Variants in EML5 observed in about 807,000 individuals in gnomAD.
EML5 encodes the protein EMAP like 5.
EML5 carries 120 observed loss-of-function variants against 250.0 expected under a neutral mutation model. That is an observed-to-expected ratio of 0.48 (90% CI 0.41 to 0.56). The LOEUF (loss-of-function observed/expected upper bound fraction) is 0.56. Ranked by LOEUF, EML5 falls within the 20% of genes least tolerant of loss-of-function variation. The pLI, the probability that EML5 is intolerant of heterozygous loss-of-function variation, is 0.00. For missense variants in EML5, 2,006 were observed against 2,437.6 expected, an observed-to-expected ratio of 0.82 and a Z score of 3.73; for synonymous variants, 771 against 806.5, an observed-to-expected ratio of 0.96 and a Z score of 0.75.
chr14:88,753,126 C>G (rs1302265846), intron 2 of EML5, among the ~76,000 whole-genome samples: 1 of 152,112 alleles, frequency 6.6e-6, no homozygotes, highest in Non-Finnish European at 1.5e-5. Flanking sequence ...TAACACACAC[C>G]CTCTGGGGCT....
rs140868386 is a variant in EML5, at chr14:88,700,848, G to C, written c.2238+1598C>G. ...TTGTGTTAATATATAGGATAACCAG[G>C]TAGTTTTAACCTCTACCTACCCTCC... On this transcript the variant is annotated intron_variant, in intron 14 of 43. Coordinates refer to ENST00000554922, the MANE Select transcript of EML5 (RefSeq NM_183387.3). 7.0e-4 allele frequency among the ~76,000 whole-genome samples: 106 copies of C among 152,262 alleles called. No individual in the cohort carries two copies. The Middle Eastern group carries it at 0.01, about 15-fold the overall frequency.
At position 88,719,881 on chromosome 14, in the gene EML5, A is replaced by G. The variant is rs553512866; in HGVS notation, c.1188-4686T>C. Among the ~76,000 whole-genome samples the G allele has an allele frequency of 6.7e-4, 102 of 152,266 alleles. 2 individuals are homozygous for G. Among genetic ancestry groups the G allele is most frequent in the Admixed American group, 6.7e-3 (102 of 15,282 alleles). ...TTTTGAAAAAATTAATAAAATAAAT[A>G]GACTGCTAGCTAGACTAATGAAGGA... On this transcript the variant is annotated intron_variant, in intron 8 of 43. Coordinates refer to ENST00000554922, the MANE Select transcript of EML5 (RefSeq NM_183387.3).
At chr14:88,616,339 G>A in intron 42 of EML5, 97 bp from the exon 43 acceptor site, 1 of 1,195,134 alleles carries the variant, frequency 8.4e-7, no homozygotes, top group Admixed American at 1.8e-5. Context: ...GAGCTGTGGA[G>A]AGAGTAGGGA....
chr14:88,773,223 T>C (rs1163165321), intron 1 of EML5, among the ~76,000 whole-genome samples: 1 of 152,222 alleles, frequency 6.6e-6, no homozygotes, highest in Non-Finnish European at 1.5e-5. Flanking sequence ...TCATACAGGA[T>C]GCACATAATT....
intron 10 of EML5, among the ~76,000 whole-genome samples, chr14:88,710,343 C>T (rs1422578536): frequency 6.6e-6 from 1 of 152,178 alleles, no homozygotes; most frequent in Non-Finnish European, 1.5e-5. Flanking sequence ...ATAACATAAA[C>T]TACTTCTATT....
chr14:88,771,384 C>A (rs1259442126), intron 1 of EML5, among the ~76,000 whole-genome samples: 1 of 152,198 alleles, frequency 6.6e-6, no homozygotes, highest in Non-Finnish European at 1.5e-5. Flanking sequence ...TATGTCTATA[C>A]TCCTTGAACT....
chr14:88,726,449 T>A, intron 8 of EML5, 92 bp downstream of exon 8: 1 of 1,055,542 alleles, frequency 9.5e-7, no homozygotes, highest in South Asian at 2.8e-5. Flanking sequence ...AAACAACAAG[T>A]ATTATATATT....
chr14:88,692,283 A>C (rs1313989625), intron 17 of EML5, among the ~76,000 whole-genome samples: 11 of 152,134 alleles, frequency 7.2e-5, no homozygotes, highest in East Asian at 3.9e-4. Flanking sequence ...AGGCTGAGGC[A>C]GGAGAATCAC....
intron 8 of EML5, among the ~76,000 whole-genome samples, chr14:88,718,402 T>C (rs550710225): frequency 7.6e-4 from 115 of 152,302 alleles, no homozygotes; most frequent in African/African-American, 2.5e-3. Context: ...GGACCTCTAA[T>C]ATTTACTTGC....
rs201021105 is a variant in EML5 at position 88,661,767 on chromosome 14, G to A, written c.3562C>T (p.Pro1188Ser). 3 of 1,613,534 alleles carry A rather than the reference G, an allele frequency of 1.9e-6. No individual in the cohort carries two copies. The highest frequency in any genetic ancestry group is 2.5e-6 in the Non-Finnish European group (3 of 1,179,694). Residue 1188 changes from proline to serine, a missense_variant, in exon 25 of 44, where the codon CCA (proline) becomes TCA (serine). Physicochemically the swap from Pro to Ser is moderately conservative, Grantham distance 74. Transcript: ENST00000554922. ...ACATCTGTAACTTCTCCAATTACTG[G>A]CCAAATTCCTTCACAGCATAAACCA... ...VLGLCCEGIW[P>S]VIGEVTDVTA...
In EML5 at chr14:88,638,420, G is replaced by A. The variant is rs144307509; in HGVS notation, c.4336+389C>T. 2.8e-3 allele frequency among the ~76,000 whole-genome samples: 430 copies of A among 152,260 alleles called. 6 individuals carry two copies. The highest frequency in any genetic ancestry group is 4.7e-3 in the Non-Finnish European group (317 of 68,016). The stretch of plus-strand genomic sequence containing the variant: ...CCAGCCTGAACCCCCACGGAAGCAG[G>A]GTTCTACCCCGCCCAGTCTAGTTAT... On this transcript the variant is annotated intron_variant, in intron 32 of 43. Transcript: ENST00000554922.
At chr14:88,694,860 G>T (rs185365384) in intron 16 of EML5, among the ~76,000 whole-genome samples, 17 of 152,120 alleles carry the variant, frequency 1.1e-4, no homozygotes, top group Admixed American at 2.6e-4. Context: ...TAAATAGCAG[G>T]TTAAAATCTC....
intron 20 of EML5, among the ~76,000 whole-genome samples, chr14:88,684,199 G>T (rs2092775960): frequency 6.7e-6 from 1 of 148,662 alleles, no homozygotes; most frequent in African/African-American, 2.5e-5. Flanking sequence ...GAAAACAGTT[G>T]TATTTATAAC....
chr14:88,754,459 C>A, intron 2 of EML5, 53 bp downstream of exon 2: 1 of 1,421,744 alleles, frequency 7.0e-7, no homozygotes, highest in Middle Eastern at 1.9e-4. Context: ...TAATCATTTT[C>A]TATAATATAC....
chr14:88,619,032 GT>G (rs2088312574), intron 39 of EML5: 1 of 384,488 alleles, frequency 2.6e-6, no homozygotes, highest in East Asian at 4.5e-5. Context: ...TTCCCCAATT[GT>G]CATCTCCCAA....
chr14:88,788,433 A>G (rs2094572479), intron 1 of EML5, among the ~76,000 whole-genome samples: 1 of 152,132 alleles, frequency 6.6e-6, no homozygotes, highest in Non-Finnish European at 1.5e-5. Context: ...ATGAACAGTT[A>G]TTATTTTAAC....
At chr14:88,775,795 C>G (rs1279857915) in intron 1 of EML5, among the ~76,000 whole-genome samples, 1 of 152,154 alleles carries the variant, frequency 6.6e-6, no homozygotes, top group East Asian at 1.9e-4. Flanking sequence ...TTACAGCAAG[C>G]CTTGGGCAAG....
chr14:88,628,571 T>G (rs1309510365), intron 33 of EML5, among the ~76,000 whole-genome samples: 1 of 152,118 alleles, frequency 6.6e-6, no homozygotes, highest in Non-Finnish European at 1.5e-5. Flanking sequence ...ATTCAGCAGT[T>G]AATTCAATCT....
intron 20 of EML5, 95 bp from the exon 21 acceptor site, chr14:88,682,126 TATG>T: frequency 8.0e-7 from 1 of 1,252,280 alleles, no homozygotes; most frequent in Non-Finnish European, 1.0e-6. Flanking sequence ...TTCAATAATA[TATG>T]ATAATAGGAT....
Sources: allele counts gnomAD v4.1 joint callset (sites outside exome capture counted in the v4.1 genomes callset), GRCh38; gene constraint gnomAD v4.1.1; transcripts MANE v1.5; gene names NCBI Gene and HGNC (gene_info 2026-07-23, HGNC 2026-07-21).